The following TMEM200A variants were observed in gnomAD, a reference collection of about 807,000 sequenced individuals.
TMEM200A encodes transmembrane protein 200A.
TMEM200A carries 12 observed loss-of-function variants against 24.3 expected under a neutral mutation model. The observed-to-expected ratio is 0.49, with a 90% confidence interval of 0.32 to 0.80. The LOEUF (loss-of-function observed/expected upper bound fraction) is 0.80, where lower values mean the gene tolerates loss of function less well. TMEM200A is among the 30% of genes least tolerant of loss of function. The pLI is 0.04. For synonymous variants in TMEM200A, 224 were observed against 224.4 expected (o/e 1.00, Z 0.02); for missense variants, 545 against 614.4 (o/e 0.89, Z 1.19).
intron 2 of TMEM200A, among the ~76,000 whole-genome samples, chr6:130,429,708 G>C (rs894201532): frequency 6.6e-6 from 1 of 152,020 alleles, no homozygotes; most frequent in Non-Finnish European, 1.5e-5. Flanking sequence ...GATTGCAGAA[G>C]GTCTTTTTAA....
chr6:130,377,350 C>T (rs1238953088), intron 1 of TMEM200A, among the ~76,000 whole-genome samples: 1 of 152,208 alleles, frequency 6.6e-6, no homozygotes, highest in African/African-American at 2.4e-5. Context: ...CATCCATCTC[C>T]AGGTAACAAG....
Position 130,440,468 on chromosome 6 carries a change from A to G in TMEM200A, c.46A>G (p.Arg16Gly). 6.2e-7 allele frequency: 1 copy of G among 1,605,572 alleles called. No homozygotes were observed. The highest frequency in any genetic ancestry group is 8.5e-7 in the Non-Finnish European group (1 of 1,176,402). ...GATAACTGGCCTGGCCGCCTTGAAA[A>G]GGCAAGACTCTGCCAGATCACAGCA... ...GVITGLAALK[R>G]QDSARSQQHV... Residue 16 changes from arginine to glycine, a missense_variant, in exon 3 of 3, where the codon AGG (arginine) becomes GGG (glycine). Transcript: ENST00000296978.
intron 2 of TMEM200A, among the ~76,000 whole-genome samples, chr6:130,431,804 A>G (rs570476181): frequency 1.4e-4 from 22 of 152,202 alleles, no homozygotes; most frequent in Non-Finnish European, 2.6e-4. Context: ...GCAGGTTTTG[A>G]AGGCATTACT....
chr6:130,419,407 C>T (rs1006040434), intron 2 of TMEM200A, among the ~76,000 whole-genome samples: 1 of 152,102 alleles, frequency 6.6e-6, no homozygotes, highest in Non-Finnish European at 1.5e-5. Flanking sequence ...TTTTGATATA[C>T]TAATTTCTTT....
intron 2 of TMEM200A, among the ~76,000 whole-genome samples, chr6:130,425,653 G>T (rs969628203): frequency 6.6e-6 from 1 of 152,150 alleles, no homozygotes; most frequent in African/African-American, 2.4e-5. Flanking sequence ...TGTATAGTCA[G>T]AACTTGAGTT....
chr6:130,395,544 G>C (rs1361651398), intron 2 of TMEM200A, among the ~76,000 whole-genome samples: 1 of 152,174 alleles, frequency 6.6e-6, no homozygotes, highest in Non-Finnish European at 1.5e-5. Flanking sequence ...TTTCGGGTAT[G>C]GTTGAGAATC....
At chr6:130,402,772 T>G (rs1191112375) in intron 2 of TMEM200A, among the ~76,000 whole-genome samples, 1 of 152,142 alleles carries the variant, frequency 6.6e-6, no homozygotes, top group Non-Finnish European at 1.5e-5. Context: ...CAAAGTTTAT[T>G]TAAAGTATGT....
rs188902651 is a variant in TMEM200A at position 130,413,913 on chromosome 6, C to A, written c.-16-26494C>A. ...TAGAATATCATTATCTTCCCTCTTCCAAATAGGAGTTTTAAATTCTCACAC... is the reference window on the plus strand; with the variant it reads ...TAGAATATCATTATCTTCCCTCTTCAAAATAGGAGTTTTAAATTCTCACAC... On this transcript the variant is annotated intron_variant, in intron 2 of 2. Coordinates refer to ENST00000296978, the MANE Select transcript of TMEM200A (RefSeq NM_001258277.2). Among the ~76,000 whole-genome samples, 122 of 152,160 alleles carry A rather than the reference C, an allele frequency of 8.0e-4. 1 individual carries two copies. Among genetic ancestry groups the A allele is most frequent in the African/African-American group, 1.3e-3 (52 of 41,506 alleles).
At chr6:130,396,370 T>G (rs866515060) in intron 2 of TMEM200A, among the ~76,000 whole-genome samples, 1 of 151,770 alleles carries the variant, frequency 6.6e-6, no homozygotes, top group African/African-American at 2.4e-5. Context: ...GTCTGTTTTT[T>G]TTTTTTTTTT....
chr6:130,431,799 T>C (rs1354516848), intron 2 of TMEM200A, among the ~76,000 whole-genome samples: 1 of 152,116 alleles, frequency 6.6e-6, no homozygotes, highest in East Asian at 1.9e-4. Flanking sequence ...GGCTGGCAGG[T>C]TTTGAAGGCA....
rs1464526671 is a variant in TMEM200A at position 130,366,050 on chromosome 6, G to C, written c.-555G>C. The stretch of plus-strand genomic sequence containing the variant: ...CCGAGCAGAAAACTTTTCCCCTCCC[G>C]TTCCCGGTCCCTTTTGTCTTTCTTG... On this transcript the variant is annotated 5_prime_UTR_variant, in exon 1 of 3. Coordinates refer to ENST00000296978, the MANE Select transcript of TMEM200A (RefSeq NM_001258277.2). The surrounding 1 kb of genome is among the most constrained non-coding windows in gnomAD (Gnocchi z 4.4). 3.0e-6 allele frequency: 3 copies of C among 985,458 alleles called. No individual in the cohort carries two copies. Among genetic ancestry groups the C allele is most frequent in the Non-Finnish European group, 2.4e-6 (2 of 830,088 alleles). The allele number at this position is 985,458 out of a possible 1,614,324, so 61.0% of individuals were successfully genotyped here.
At chr6:130,387,092 T>C (rs1406003271) in intron 2 of TMEM200A, among the ~76,000 whole-genome samples, 1 of 152,200 alleles carries the variant, frequency 6.6e-6, no homozygotes, top group African/African-American at 2.4e-5. Context: ...AATTGTGCCA[T>C]TTTGTGACAA....
intron 2 of TMEM200A, among the ~76,000 whole-genome samples, chr6:130,426,339 G>A (rs1583222631): frequency 6.6e-6 from 1 of 152,064 alleles, no homozygotes; most frequent in Non-Finnish European, 1.5e-5. Context: ...CAGGACAAAC[G>A]GAGGGAGTGG....
chr6:130,391,108 G>C (rs752523696), intron 2 of TMEM200A, among the ~76,000 whole-genome samples: 13 of 152,300 alleles, frequency 8.5e-5, no homozygotes, highest in Admixed American at 2.0e-4. Context: ...CAGTTTACCT[G>C]TGCCCCTTCT....
chr6:130,393,459 C>G (rs1778882613), intron 2 of TMEM200A, among the ~76,000 whole-genome samples: 1 of 152,084 alleles, frequency 6.6e-6, no homozygotes, highest in Non-Finnish European at 1.5e-5. Flanking sequence ...GTTAAAATAT[C>G]AGAGGTGGGT....
chr6:130,381,746 A>C (rs1778602933), intron 1 of TMEM200A, among the ~76,000 whole-genome samples: 1 of 152,218 alleles, frequency 6.6e-6, no homozygotes, highest in Non-Finnish European at 1.5e-5. Flanking sequence ...TGCACAAATT[A>C]AAAGTTTATG....
rs1778145522 is a variant in TMEM200A at position 130,366,360 on chromosome 6, A to AGCGCGGCTGC, written c.-245_-244insGCGCGGCTGC. On this transcript the variant is annotated 5_prime_UTR_variant, in exon 1 of 3. An upstream open reading frame in the 5' UTR loses its in-frame stop. Coordinates refer to ENST00000296978, the MANE Select transcript of TMEM200A (RefSeq NM_001258277.2). This position sits in a 1 kb window ranked among gnomAD's most constrained non-coding sequence, Gnocchi z 4.4. ...CCCGAGCCCTGGGATGGGGAGGGAG[A>AGCGCGGCTGC]CCGCGGCTGCCCGCGGCGGCCGAGA... The AGCGCGGCTGC allele has an allele frequency of 1.0e-6, 1 of 982,466 alleles. No individual in the cohort carries two copies. The highest frequency in any genetic ancestry group is 1.8e-5 in the African/African-American group (1 of 55,860). The allele number at this position is 982,466 out of a possible 1,614,324, so 60.9% of individuals were successfully genotyped here.
intron 1 of TMEM200A, among the ~76,000 whole-genome samples, chr6:130,384,819 A>G (rs945586627): frequency 3.9e-5 from 6 of 152,236 alleles, no homozygotes; most frequent in Non-Finnish European, 7.3e-5. Context: ...TAACTCTCCT[A>G]TAAAATTTTC....
intron 2 of TMEM200A, among the ~76,000 whole-genome samples, chr6:130,412,307 G>C (rs1779351168): frequency 6.6e-6 from 1 of 151,752 alleles, no homozygotes; most frequent in Non-Finnish European, 1.5e-5. Flanking sequence ...TGTGTAAACA[G>C]TCTCTCATCC....
Sources: allele counts gnomAD v4.1 joint callset (sites outside exome capture counted in the v4.1 genomes callset), GRCh38; gene constraint gnomAD v4.1.1; non-coding constraint Gnocchi (gnomAD v3.1); transcripts MANE v1.5; gene names NCBI Gene and HGNC (gene_info 2026-07-23, HGNC 2026-07-21).